SH3KBP1: variants seen among roughly 807,000 people sequenced by gnomAD.
SH3KBP1 encodes SH3 domain containing kinase binding protein 1.
Under a neutral mutation model 50.1 loss-of-function variants are expected in SH3KBP1, and 8 were observed. The observed-to-expected ratio is 0.16, with a 90% CI of 0.09 to 0.29. SH3KBP1 has a LOEUF of 0.29. SH3KBP1 is among the 10% of genes least tolerant of loss of function. The probability of loss-of-function intolerance (pLI) is 1.00; values close to 1 mark genes in which losing one functional copy is unlikely to be tolerated. For synonymous variants in SH3KBP1, 227 were observed against 218.6 expected (o/e 1.04, Z -0.34); for missense variants, 377 against 535.2 (o/e 0.70, Z 2.92).
intron 7 of SH3KBP1, among the ~76,000 whole-genome samples, chrX:19,638,073 T>A (rs1434868365): frequency 1.0e-5 from 1 of 97,842 alleles, no homozygotes; most frequent in Non-Finnish European, 2.0e-5. Context: ...CAAAATTCCA[T>A]CTCCAAAACA....
At chrX:19,673,987 G>A (rs775291042) in intron 6 of SH3KBP1, among the ~76,000 whole-genome samples, 1 of 112,436 alleles carries the variant, frequency 8.9e-6, no homozygotes, top group East Asian at 2.8e-4. Flanking sequence ...TCCTTAAAAA[G>A]AGACCAAGGA....
At chrX:19,618,373 G>A (rs2067683814) in intron 8 of SH3KBP1, among the ~76,000 whole-genome samples, 2 of 81,668 alleles carry the variant, frequency 2.4e-5, no homozygotes, top group African/African-American at 5.3e-5. Flanking sequence ...GACAGACTGC[G>A]AGACTCTGTC....
intron 2 of SH3KBP1, among the ~76,000 whole-genome samples, chrX:19,774,661 AG>A (rs2065911571): frequency 2.1e-5 from 1 of 47,585 alleles, no homozygotes; most frequent in African/African-American, 2.2e-4. Context: ...AAAAAAAGAA[AG>A]AAAGAAAGAA....
At chrX:19,730,746 G>C (rs2064351980) in intron 3 of SH3KBP1, among the ~76,000 whole-genome samples, 1 of 111,136 alleles carries the variant, frequency 9.0e-6, no homozygotes, top group Admixed American at 9.5e-5. Flanking sequence ...TAATCACATA[G>C]TCCAAAATTA....
At chrX:19,798,049 A>T (rs2066773726) in intron 2 of SH3KBP1, among the ~76,000 whole-genome samples, 1 of 111,272 alleles carries the variant, frequency 9.0e-6, no homozygotes, top group African/African-American at 3.3e-5. Context: ...ATCAGAATTC[A>T]GATGACTGCT....
In SH3KBP1 at chrX:19,687,113, T is replaced by C. The variant is rs917327132; in HGVS notation, c.521-3085A>G. ...CTGCCAAAAAAAGTCTGCCATGTGG[T>C]GATTGGCTGAGTGAGCAAAGCAAAA... On this transcript the variant is annotated intron_variant, in intron 5 of 17. Coordinates refer to ENST00000397821, the MANE Select transcript of SH3KBP1 (RefSeq NM_031892.3). 4.4e-5 allele frequency among the ~76,000 whole-genome samples: 5 copies of C among 112,861 alleles called. No homozygotes were observed. In the Admixed American group the frequency reaches 4.7e-4, roughly 11 times the overall value.
At chrX:19,779,876 C>T (rs1176646414) in intron 2 of SH3KBP1, among the ~76,000 whole-genome samples, 1 of 102,518 alleles carries the variant, frequency 9.8e-6, no homozygotes, top group African/African-American at 3.6e-5. Context: ...TGAATAATGC[C>T]GCAATAAACA....
intron 3 of SH3KBP1, among the ~76,000 whole-genome samples, chrX:19,721,262 T>G (rs1292928353): frequency 9.0e-6 from 1 of 111,365 alleles, no homozygotes; most frequent in Non-Finnish European, 1.9e-5. Flanking sequence ...GGTCTAAACT[T>G]ACATGGGAAG....
At chrX:19,755,905 C>G (rs896833106) in intron 2 of SH3KBP1, among the ~76,000 whole-genome samples, 2 of 111,653 alleles carry the variant, frequency 1.8e-5, no homozygotes, top group African/African-American at 3.3e-5. Flanking sequence ...TCACGTACCC[C>G]CTGCTTGCTC....
chrX:19,671,964 C>T (rs1256919154), intron 6 of SH3KBP1, among the ~76,000 whole-genome samples: 1 of 111,925 alleles, frequency 8.9e-6, no homozygotes, highest in Non-Finnish European at 1.9e-5. Flanking sequence ...TTTAATTAAA[C>T]TAATTTAAAA....
chrX:19,671,314 C>T (rs1048849490), intron 6 of SH3KBP1, among the ~76,000 whole-genome samples: 6 of 110,387 alleles, frequency 5.4e-5, no homozygotes, highest in African/African-American at 2.0e-4. Flanking sequence ...ACATATCAAT[C>T]ATGAACATGC....
intron 1 of SH3KBP1, among the ~76,000 whole-genome samples, chrX:19,880,663 C>G (rs2069405527): frequency 8.9e-6 from 1 of 112,359 alleles, no homozygotes; most frequent in Admixed American, 9.4e-5. Flanking sequence ...ATCCTAATCC[C>G]CAGAACCTGT....
chrX:19,747,518 C>T (rs2064950606), intron 2 of SH3KBP1: 3 of 281,736 alleles, frequency 1.1e-5, no homozygotes, highest in Non-Finnish European at 2.2e-5. Context: ...ATGGGCTCCC[C>T]GCTGGAAGGA....
chrX:19,650,980 T>C (rs1318956044), intron 6 of SH3KBP1, among the ~76,000 whole-genome samples: 1 of 112,308 alleles, frequency 8.9e-6, no homozygotes, highest in Non-Finnish European at 1.9e-5. Context: ...TCTGTAACTT[T>C]TCAGTTTTTG....
At chrX:19,537,319 G>A (rs1158172907) in intron 17 of SH3KBP1, among the ~76,000 whole-genome samples, 1 of 110,995 alleles carries the variant, frequency 9.0e-6, no homozygotes, top group Non-Finnish European at 1.9e-5. Flanking sequence ...TTAGCCAGGT[G>A]TGGTGGCACA....
rs1158434787 is a variant in SH3KBP1, at chrX:19,540,538, C to G, written c.1892+1387G>C. Reference sequence around the variant, plus strand: ...AAGTTTGCTTAACCGAGTTATCCCCCAAAAGTGACCACAAAACACATTAGG... The same window carrying G: ...AAGTTTGCTTAACCGAGTTATCCCCGAAAAGTGACCACAAAACACATTAGG... On this transcript the variant is annotated intron_variant, in intron 16 of 17. Transcript: ENST00000397821. Among the ~76,000 whole-genome samples the G allele has an allele frequency of 1.8e-5, 2 of 111,642 alleles. 1 individual carries two copies. Among genetic ancestry groups the G allele is most frequent in the African/African-American group, 6.5e-5 (2 of 30,633 alleles).
chrX:19,750,736 G>C (rs1204387106), intron 2 of SH3KBP1, among the ~76,000 whole-genome samples: 1 of 111,188 alleles, frequency 9.0e-6, no homozygotes, highest in Non-Finnish European at 1.9e-5. Flanking sequence ...GATGATGCTA[G>C]CAATGATACA....
At chrX:19,556,131 G>C (rs1352444080) in intron 13 of SH3KBP1, among the ~76,000 whole-genome samples, 1 of 112,206 alleles carries the variant, frequency 8.9e-6, no homozygotes, top group Non-Finnish European at 1.9e-5. Flanking sequence ...AATTATCTGA[G>C]CCATCAGCTT....
At chrX:19,849,073 C>G (rs4825319) in intron 1 of SH3KBP1, among the ~76,000 whole-genome samples, 35,903 of 109,852 alleles carry the variant, frequency 0.33, 7,842 homozygotes, top group African/African-American at 0.8. Context: ...GTGTCCCAAA[C>G]TGGTGGGATT....
Sources: allele counts gnomAD v4.1 joint callset (sites outside exome capture counted in the v4.1 genomes callset), GRCh38; gene constraint gnomAD v4.1.1; transcripts MANE v1.5; gene names NCBI Gene and HGNC (gene_info 2026-07-23, HGNC 2026-07-21).